Variants in GALNT18 observed in about 807,000 individuals in gnomAD.
GALNT18 encodes polypeptide N-acetylgalactosaminyltransferase 18, also known as GalNAc-transferase 18.
GALNT18 carries 44 observed loss-of-function variants against 69.5 expected under a neutral mutation model. The observed-to-expected ratio is 0.63, with a 90% CI of 0.50 to 0.81. The LOEUF is 0.81. Ranked by LOEUF, GALNT18 falls within the 40% of genes least tolerant of loss-of-function variation. GALNT18 has a pLI of 0.00. For missense variants in GALNT18, 715 were observed against 810.0 expected, an observed-to-expected ratio of 0.88 and a Z score of 1.42; for synonymous variants, 364 against 318.2, an observed-to-expected ratio of 1.14 and a Z score of -1.53.
intron 1 of GALNT18, among the ~76,000 whole-genome samples, chr11:11,507,516 CTTTCT>C (rs1857088461): frequency 6.6e-6 from 1 of 152,148 alleles, no homozygotes; most frequent in African/African-American, 2.4e-5. Flanking sequence ...TCCCCTTCCT[CTTTCT>C]TTTCTTCTTC....
At chr11:11,287,428 A>G (rs1244381335) in intron 10 of GALNT18, among the ~76,000 whole-genome samples, 5 of 152,126 alleles carry the variant, frequency 3.3e-5, no homozygotes, top group African/African-American at 1.2e-4. Flanking sequence ...TACTACCGAG[A>G]GTCAGTCCTC....
At chr11:11,393,220 G>C (rs1854236411) in intron 3 of GALNT18, among the ~76,000 whole-genome samples, 2 of 152,166 alleles carry the variant, frequency 1.3e-5, no homozygotes, top group Admixed American at 1.3e-4. Flanking sequence ...TATCAGCCCT[G>C]GGGTTACTGA....
chr11:11,289,731 G>T (rs187516982), intron 10 of GALNT18, among the ~76,000 whole-genome samples: 316 of 152,310 alleles, frequency 2.1e-3, no homozygotes, highest in Non-Finnish European at 3.7e-3. Flanking sequence ...TTCTGTGAGG[G>T]CTGGAAAGAG....
chr11:11,299,619 T>C (rs1285816919), intron 9 of GALNT18, among the ~76,000 whole-genome samples: 1 of 152,216 alleles, frequency 6.6e-6, no homozygotes, highest in Non-Finnish European at 1.5e-5. Flanking sequence ...GGCCTGCAAC[T>C]CCATCCAAGT....
At chr11:11,305,617 T>C (rs1412098530) in intron 9 of GALNT18, among the ~76,000 whole-genome samples, 1 of 152,028 alleles carries the variant, frequency 6.6e-6, no homozygotes, top group Non-Finnish European at 1.5e-5. Flanking sequence ...TACACAGCCA[T>C]TCATCCCCTC....
At chr11:11,507,372 C>T (rs1176206500) in intron 1 of GALNT18, among the ~76,000 whole-genome samples, 2 of 152,150 alleles carry the variant, frequency 1.3e-5, no homozygotes, top group African/African-American at 2.4e-5. Flanking sequence ...AAATTCTGAA[C>T]TGAGTCAGTC....
At chr11:11,588,485 T>C (rs1859277192) in intron 1 of GALNT18, among the ~76,000 whole-genome samples, 1 of 152,208 alleles carries the variant, frequency 6.6e-6, no homozygotes, top group African/African-American at 2.4e-5. Context: ...CTGGCCTCTG[T>C]CTACTAGTCA....
chr11:11,320,872 G>A lies in GALNT18; in HGVS notation c.1512+6214C>T, dbSNP rs1467823657. On this transcript the variant is annotated intron_variant, in intron 9 of 10. Coordinates refer to ENST00000227756, the MANE Select transcript of GALNT18 (RefSeq NM_198516.3). The surrounding 1 kb of genome is among the most constrained non-coding windows in gnomAD (Gnocchi z 4.9). ...CCCTACCCCTTCCTGGGAAATGTGT[G>A]TAATCTGAGGCTGGTCCCAAACCTC... Among the ~76,000 whole-genome samples, 1 of 152,058 alleles carries A rather than the reference G, an allele frequency of 6.6e-6. No individual in the cohort carries two copies. Among genetic ancestry groups the A allele is most frequent in the Non-Finnish European group, 1.5e-5 (1 of 68,002 alleles).
At chr11:11,274,550 T>A (rs956777078) in intron 10 of GALNT18, among the ~76,000 whole-genome samples, 1 of 152,360 alleles carries the variant, frequency 6.6e-6, no homozygotes, top group South Asian at 2.1e-4. Flanking sequence ...GGTGGGTTTT[T>A]AAAATTTTTT....
rs145717205 is a variant in GALNT18 at position 11,454,192 on chromosome 11, A to C, written c.236-5256T>G. 5.7e-4 allele frequency among the ~76,000 whole-genome samples: 87 copies of C among 152,328 alleles called. No individual in the cohort carries two copies. The highest frequency in any genetic ancestry group is 2.0e-3 in the African/African-American group (83 of 41,594). Reference sequence around the variant, plus strand: ...GTAGGAGCACAAAGCCAGTGAAGGCATGGCCGGGGCAAATTCCAGCTGTGT... The same window carrying C: ...GTAGGAGCACAAAGCCAGTGAAGGCCTGGCCGGGGCAAATTCCAGCTGTGT... On this transcript the variant is annotated intron_variant, in intron 1 of 10. Coordinates refer to ENST00000227756, the MANE Select transcript of GALNT18 (RefSeq NM_198516.3). This position sits in a 1 kb window ranked among gnomAD's most constrained non-coding sequence, Gnocchi z 4.2.
chr11:11,379,228 T>C lies in GALNT18; in HGVS notation c.632A>G (p.Lys211Arg). 6.2e-7 allele frequency: 1 copy of C among 1,613,288 alleles called. No homozygotes were observed. The highest frequency in any genetic ancestry group is 8.5e-7 in the Non-Finnish European group (1 of 1,179,984). ...GAAGCCTGGCTTCTGGCTGTTCACC[T>C]TGTCCACATATTCGGTCAGCTTCTC... ...LKEKLTEYVD[K>R]VNSQKPGFIK... The change falls in exon 4 of 11, where the codon AAG becomes AGG. Residue 211 changes from lysine (K) to arginine (R), a missense_variant. Physicochemically the swap from Lys to Arg is conservative, Grantham distance 26. Coordinates refer to ENST00000227756, the MANE Select transcript of GALNT18 (RefSeq NM_198516.3).
chr11:11,329,810 C>T (rs564155385), intron 8 of GALNT18, among the ~76,000 whole-genome samples: 8 of 152,260 alleles, frequency 5.3e-5, no homozygotes, highest in African/African-American at 1.7e-4. Context: ...GAATCATAGT[C>T]GGACAAGTGA....
In GALNT18 at chr11:11,584,226, T is replaced by G. The variant is rs1859161888; in HGVS notation, c.235+37133A>C. On this transcript the variant is annotated intron_variant, in intron 1 of 10. Coordinates refer to ENST00000227756, the MANE Select transcript of GALNT18 (RefSeq NM_198516.3). This position sits in a 1 kb window ranked among gnomAD's most constrained non-coding sequence, Gnocchi z 4.1. ...TAGAGCAAAGTGTCCTTCCAGCAGC[T>G]GGGGACAGGAAGCTCGAGGATAGAC... is the stretch of plus-strand genomic sequence containing the variant. 6.6e-6 allele frequency among the ~76,000 whole-genome samples: 1 copy of G among 152,022 alleles called. No homozygotes were observed. Among genetic ancestry groups the G allele is most frequent in the African/African-American group, 2.4e-5 (1 of 41,372 alleles).
At chr11:11,477,170 A>T (rs1176683902) in intron 1 of GALNT18, among the ~76,000 whole-genome samples, 1 of 152,228 alleles carries the variant, frequency 6.6e-6, no homozygotes, top group Non-Finnish European at 1.5e-5. Flanking sequence ...CAATGGCAGG[A>T]TGAAGGTGGC....
At chr11:11,438,777 T>C (rs1434385936) in intron 2 of GALNT18, among the ~76,000 whole-genome samples, 1 of 152,170 alleles carries the variant, frequency 6.6e-6, no homozygotes, top group Non-Finnish European at 1.5e-5. Context: ...GGCTGCCAAA[T>C]CTGCATGAAG....
intron 7 of GALNT18, among the ~76,000 whole-genome samples, chr11:11,336,901 GA>G (rs1850123984): frequency 6.6e-6 from 1 of 152,194 alleles, no homozygotes; most frequent in African/African-American, 2.4e-5. Context: ...AAGAGAAAGT[GA>G]AAGAGAGAAT....
Position 11,604,397 on chromosome 11 carries a change from G to T in GALNT18, c.235+16962C>A, listed in dbSNP as rs1859698485. ...TGAAGTGAGGCAGGCTCACTATTCAGGTAGCCCATTCCTGATCCCACACTG... is the reference window on the plus strand; with the variant it reads ...TGAAGTGAGGCAGGCTCACTATTCATGTAGCCCATTCCTGATCCCACACTG... On this transcript the variant is annotated intron_variant, in intron 1 of 10. Coordinates refer to ENST00000227756, the MANE Select transcript of GALNT18 (RefSeq NM_198516.3). This position sits in a 1 kb window ranked among gnomAD's most constrained non-coding sequence, Gnocchi z 5.6. Among the ~76,000 whole-genome samples the T allele has an allele frequency of 6.6e-6, 1 of 152,194 alleles. No homozygotes were observed. Among genetic ancestry groups the T allele is most frequent in the Non-Finnish European group, 1.5e-5 (1 of 68,028 alleles).
At chr11:11,386,988 C>G (rs777180937) in intron 3 of GALNT18, among the ~76,000 whole-genome samples, 2 of 152,206 alleles carry the variant, frequency 1.3e-5, no homozygotes, top group Non-Finnish European at 2.9e-5. Flanking sequence ...CAAGACTCTC[C>G]AGGTGAGATT....
At chr11:11,512,899 C>T (rs1039619286) in intron 1 of GALNT18, among the ~76,000 whole-genome samples, 1 of 152,130 alleles carries the variant, frequency 6.6e-6, no homozygotes, top group Non-Finnish European at 1.5e-5. Context: ...TCAGGTGGCC[C>T]GTGTGTGTGA....
Sources: gnomAD v4.1 joint callset for allele counts (sites outside exome capture counted in the v4.1 genomes callset) on GRCh38, gnomAD v4.1.1 for gene constraint, Gnocchi (gnomAD v3.1) non-coding constraint, MANE v1.5 for transcripts, NCBI Gene and HGNC (gene_info 2026-07-23, HGNC 2026-07-21) for gene names.